The following MGAM variants were observed in gnomAD, a reference collection of about 807,000 sequenced individuals.
The protein encoded by MGAM is alpha-1,4-glucosidase.
In MGAM, 253 loss-of-function variants were observed where a neutral mutation model predicts 358.8. The ratio of observed to expected loss-of-function variants is 0.71; its 90% CI spans 0.64 to 0.78. The LOEUF (loss-of-function observed/expected upper bound fraction) is 0.78, where lower values mean the gene tolerates loss of function less well. Ranked by LOEUF, MGAM falls within the 30% of genes least tolerant of loss-of-function variation. The pLI is 0.00. For missense variants in MGAM, 3,080 were observed against 3,432.6 expected, an observed-to-expected ratio of 0.90 and a Z score of 2.57; for synonymous variants, 1,105 against 1,227.1, an observed-to-expected ratio of 0.90 and a Z score of 2.08.
In MGAM at chr7:142,083,291, T is replaced by G; in HGVS notation, c.6269-10T>G. On this transcript the variant is annotated splice_polypyrimidine_tract_variant and intron_variant, in intron 52 of 70. Coordinates refer to ENST00000475668, the MANE Select transcript of MGAM (RefSeq NM_001365693.1). ...TTTCCAGCTTGATTAGCATTTTTCT[T>G]CATTTTCAGATGTGACGTTCCAGCC... The G allele has an allele frequency of 1.3e-6, 2 of 1,535,394 alleles. No homozygotes were observed. Among genetic ancestry groups the G allele is most frequent in the Non-Finnish European group, 1.8e-6 (2 of 1,118,466 alleles).
chr7:142,055,750 T>C (rs1176334744), intron 28 of MGAM, 24 bp downstream of exon 28: 1 of 1,612,526 alleles, frequency 6.2e-7, no homozygotes, highest in Non-Finnish European at 8.5e-7. Context: ...ATTTGGGATC[T>C]GTGTCTCTGC....
intron 58 of MGAM, among the ~76,000 whole-genome samples, 154 bp from the exon 59 acceptor site, chr7:142,092,367 A>G (rs1815472395): frequency 6.9e-6 from 1 of 145,778 alleles, no homozygotes; most frequent in African/African-American, 2.4e-5. Flanking sequence ...TCATCTTTCT[A>G]GCCAGTTCTC....
intron 65 of MGAM, among the ~76,000 whole-genome samples, chr7:142,096,667 T>C (rs1458536760): frequency 6.6e-6 from 1 of 152,236 alleles, no homozygotes; most frequent in Non-Finnish European, 1.5e-5. Context: ...GTATATTCAA[T>C]GACACAATCG....
intron 4 of MGAM, among the ~76,000 whole-genome samples, chr7:142,020,395 G>A (rs1161248858): frequency 2.0e-5 from 3 of 152,080 alleles, no homozygotes; most frequent in Non-Finnish European, 2.9e-5. Context: ...TGGAATGAGT[G>A]TTAGGCTTAT....
Position 142,046,292 on chromosome 7 carries a change from AG to A in MGAM, c.2499-1492del, listed in dbSNP as rs1377632905. Reference sequence around the variant, plus strand: ...TATCTGAAATGTTTAGGGGAGTCTAAGTCTATTGTTAGTTAACTTTGTTGAC... The same window carrying A: ...TATCTGAAATGTTTAGGGGAGTCTAATCTATTGTTAGTTAACTTTGTTGAC... On this transcript the variant is annotated intron_variant, in intron 21 of 70. Transcript: ENST00000475668. Among the ~76,000 whole-genome samples, 5 of 151,534 alleles carry A rather than the reference AG, an allele frequency of 3.3e-5. No homozygotes were observed. The Admixed American group carries it at 3.3e-4, about 10-fold the overall frequency.
chr7:142,061,292 C>G (rs28581545), intron 34 of MGAM, among the ~76,000 whole-genome samples: 2,693 of 152,202 alleles, frequency 0.018, 38 homozygotes, highest in Non-Finnish European at 0.024. Flanking sequence ...TATTCTAATT[C>G]TCCATCCCCC....
chr7:142,078,617 G>T, intron 48 of MGAM, 147 bp downstream of exon 48: 1 of 1,097,080 alleles, frequency 9.1e-7, no homozygotes. Context: ...CAAGTAGGTG[G>T]GGACATGTGG....
At chr7:142,037,074 A>T in intron 18 of MGAM, 97 bp downstream of exon 18, 1 of 1,222,318 alleles carries the variant, frequency 8.2e-7, no homozygotes, top group South Asian at 1.4e-5. Context: ...CAATTCAGGC[A>T]GTTATTCATA....
rs558955867 is a variant in MGAM, at chr7:142,093,244, C to T, written c.7034-168C>T. Reference sequence around the variant, plus strand: ...TTGATGTTGGAAACACTGGAGCCGCCGTTGCAGCTCAGAGCTGGGGGCGCT... The same window carrying T: ...TTGATGTTGGAAACACTGGAGCCGCTGTTGCAGCTCAGAGCTGGGGGCGCT... On this transcript the variant is annotated intron_variant, in intron 59 of 70. Transcript: ENST00000475668. Among the ~76,000 whole-genome samples the T allele has an allele frequency of 2.5e-4, 37 of 146,586 alleles. 3 individuals carry two copies. The highest frequency in any genetic ancestry group is 1.3e-3 in the Admixed American group (19 of 14,592).
intron 45 of MGAM, among the ~76,000 whole-genome samples, chr7:142,075,445 A>G (rs1813659587): frequency 6.8e-6 from 1 of 146,760 alleles, no homozygotes; most frequent in Admixed American, 6.8e-5. Flanking sequence ...GCGTGACTAC[A>G]TCAAACTAAA....
chr7:142,072,309 C>T (rs1563196109), intron 44 of MGAM, among the ~76,000 whole-genome samples: 1 of 146,110 alleles, frequency 6.8e-6, no homozygotes, highest in South Asian at 2.2e-4. Flanking sequence ...ATGTATTTTA[C>T]TGCATGTGGG....
intron 44 of MGAM, 139 bp downstream of exon 44, chr7:142,071,257 T>C: frequency 8.9e-7 from 1 of 1,125,414 alleles, no homozygotes; most frequent in African/African-American, 1.5e-5. Flanking sequence ...TTTTGTTGTT[T>C]GTGTGTTAAT....
chr7:142,086,619 C>T lies in MGAM; in HGVS notation c.6748-36C>T. On this transcript the variant is annotated intron_variant, in intron 56 of 70. Coordinates refer to ENST00000475668, the MANE Select transcript of MGAM (RefSeq NM_001365693.1). Reference sequence around the variant, plus strand: ...GGAAATACTATGTAAGGGAAATTGTCTAGTGCATCGCTACTGAACATGTTT... The same window carrying T: ...GGAAATACTATGTAAGGGAAATTGTTTAGTGCATCGCTACTGAACATGTTT... 2.0e-6 allele frequency: 2 copies of T among 1,007,572 alleles called. 1 individual carries two copies. Among genetic ancestry groups the T allele is most frequent in the Non-Finnish European group, 2.8e-6 (2 of 712,696 alleles). 62.4% of individuals were successfully genotyped at this position (1,007,572 alleles called of 1,614,324 possible).
Position 142,060,458 on chromosome 7 carries a change from G to A in MGAM, c.4122+85G>A, listed in dbSNP as rs571519391. The A allele has an allele frequency of 6.7e-4, 1,000 of 1,486,622 alleles. 5 individuals are homozygous for A. The Middle Eastern group carries it at 9.8e-3, about 15-fold the overall frequency. The allele number at this position is 1,486,622 out of a possible 1,614,324, so 92.1% of individuals were successfully genotyped here. Reference sequence around the variant, plus strand: ...CTGGGATTGTGGACATGCCTGTACCGTGGACATGGGCTTGGCAAGGGAGAA... The same window carrying A: ...CTGGGATTGTGGACATGCCTGTACCATGGACATGGGCTTGGCAAGGGAGAA... On this transcript the variant is annotated intron_variant, in intron 34 of 70. Transcript: ENST00000475668.
chr7:142,050,848 A>T lies in MGAM; in HGVS notation c.2789A>T (p.Tyr930Phe). 6.2e-7 allele frequency: 1 copy of T among 1,613,714 alleles called. No homozygotes were observed. ...AGTCAGACTTCTCCTACAGTCACTT[A>T]TGATTCTAACCTGAAGGTAAAAACC... ...VPSQTSPTVT[Y>F]DSNLKVAIIT... is the part of the protein sequence containing the mutation. Residue 930 changes from tyrosine (Y) to phenylalanine (F), a missense_variant, in exon 24 of 71, where the codon TAT becomes TTT. Tyr to Phe is a conservative substitution (Grantham distance 22). Around this residue, in one of 5 missense-constraint regions of MGAM, gnomAD observed 1,816 missense variants for 1,840.5 expected, o/e 0.99. Coordinates refer to ENST00000475668, the MANE Select transcript of MGAM (RefSeq NM_001365693.1).
At chr7:141,989,728 A>G (rs958109974) in intron 2 of MGAM, among the ~76,000 whole-genome samples, 1 of 152,078 alleles carries the variant, frequency 6.6e-6, no homozygotes, top group African/African-American at 2.4e-5. Context: ...AAAATTCCTC[A>G]ATTTTTATGG....
intron 69 of MGAM, among the ~76,000 whole-genome samples, chr7:142,103,026 C>T (rs12703421): frequency 0.17 from 26,034 of 152,106 alleles, 2,411 homozygotes; most frequent in African/African-American, 0.22. Flanking sequence ...ACAGCTGAGA[C>T]TTTTTGTCTC....
Position 142,062,841 on chromosome 7 carries a change from C to A in MGAM, c.4257+139C>A, listed in dbSNP as rs539129445. On this transcript the variant is annotated intron_variant, in intron 35 of 70. Coordinates refer to ENST00000475668, the MANE Select transcript of MGAM (RefSeq NM_001365693.1). ...GGACATAGCAGACACTTCTTCCTCTCAGGAGAGGAACTGCCCTGGTAGCCC... is the reference window on the plus strand; with the variant it reads ...GGACATAGCAGACACTTCTTCCTCTAAGGAGAGGAACTGCCCTGGTAGCCC... 205 of 1,436,114 alleles carry A rather than the reference C, an allele frequency of 1.4e-4. 1 individual carries two copies. In the African/African-American group the frequency reaches 2.7e-3, roughly 19 times the overall value. 89.0% of individuals were successfully genotyped at this position (1,436,114 alleles called of 1,614,324 possible). A position where few individuals can be genotyped will look rare whatever the true frequency, so the allele number is the denominator to read the frequency against.
chr7:142,090,197 A>G (rs764998541), intron 57 of MGAM, among the ~76,000 whole-genome samples: 1 of 146,032 alleles, frequency 6.8e-6, no homozygotes, highest in Non-Finnish European at 1.6e-5. Flanking sequence ...AGCACGTTGG[A>G]GAACGGCAGA....
Sources: allele counts gnomAD v4.1 joint callset (sites outside exome capture counted in the v4.1 genomes callset), GRCh38; gene constraint gnomAD v4.1.1; regional missense constraint gnomAD v4.1.1; transcripts MANE v1.5; gene names NCBI Gene and HGNC (gene_info 2026-07-23, HGNC 2026-07-21).